Variants in ATP2C1 observed in about 807,000 individuals in gnomAD.
ATP2C1 encodes the protein calcium-transporting ATPase type 2C member 1.
In ATP2C1, 31 loss-of-function variants were observed where a neutral mutation model predicts 120.5. The ratio of observed to expected loss-of-function variants is 0.26; its 90% CI spans 0.19 to 0.35. The LOEUF (loss-of-function observed/expected upper bound fraction) is 0.35, where lower values mean the gene tolerates loss of function less well. Among genes scored for constraint, ATP2C1 ranks in the 10% least tolerant of loss-of-function variants. The pLI is 1.00. For synonymous variants in ATP2C1, 351 were observed against 358.7 expected (o/e 0.98, Z 0.24); for missense variants, 731 against 1,107.5 (o/e 0.66, Z 4.83).
rs376215293 is a variant in ATP2C1 at position 130,937,293 on chromosome 3, G to A, written c.325-135G>A. On this transcript the variant is annotated intron_variant, in intron 5 of 27. Transcript: ENST00000510168. The stretch of plus-strand genomic sequence containing the variant: ...TCCCCACAGGCCTTAAGGTAAAGTT[G>A]TGATTTCTTTTCCAGCTGATCTCAG... 3 of 768,336 alleles carry A rather than the reference G, an allele frequency of 3.9e-6. No individual in the cohort carries two copies. The African/African-American group carries it at 5.2e-5, about 13-fold the overall frequency. 47.6% of individuals were successfully genotyped at this position (768,336 alleles called of 1,614,324 possible). A position where few individuals can be genotyped will look rare whatever the true frequency, so the allele number is the denominator to read the frequency against.
At chr3:130,919,781 A>G (rs2058868133) in intron 2 of ATP2C1, among the ~76,000 whole-genome samples, 1 of 152,214 alleles carries the variant, frequency 6.6e-6, no homozygotes, top group African/African-American at 2.4e-5. Flanking sequence ...TTTTTTCCAT[A>G]GTGGCTGCAC....
chr3:130,995,906 G>C (rs1330227283), intron 22 of ATP2C1, 137 bp from the exon 23 acceptor site: 16 of 662,580 alleles, frequency 2.4e-5, no homozygotes, highest in Non-Finnish European at 4.3e-5. Context: ...CGGCCTCCCA[G>C]TGTGCTGGGA....
chr3:130,999,884 T>C (rs2062806574), intron 27 of ATP2C1, among the ~76,000 whole-genome samples: 1 of 152,182 alleles, frequency 6.6e-6, no homozygotes, highest in African/African-American at 2.4e-5. Context: ...ATAAAAATCA[T>C]AATACGTGAT....
rs201306089 is a variant in ATP2C1, at chr3:130,894,737, T to C, written c.-33T>C. On this transcript the variant is annotated 5_prime_UTR_variant, in exon 2 of 28. It removes the in-frame stop codon of an upstream open reading frame in the 5' UTR. Transcript: ENST00000510168. This position sits in a 1 kb window ranked among gnomAD's most constrained non-coding sequence, Gnocchi z 4.5. ...GCCGTGGCTGACACTAAAGACTTTGTAGCCATCAACCCGAGTGCAGTTTCG... is the reference window on the plus strand; with the variant it reads ...GCCGTGGCTGACACTAAAGACTTTGCAGCCATCAACCCGAGTGCAGTTTCG... 169 of 1,614,156 alleles carry C rather than the reference T, an allele frequency of 1.0e-4. 1 individual carries two copies. In the East Asian group the frequency reaches 3.7e-3, roughly 36 times the overall value.
intron 11 of ATP2C1, among the ~76,000 whole-genome samples, chr3:130,959,044 T>A (rs2060701630): frequency 6.6e-6 from 1 of 152,114 alleles, no homozygotes; most frequent in African/African-American, 2.4e-5. Context: ...TGTGTGTGCA[T>A]GTGTGGTGTG....
chr3:130,955,866 T>G (rs1026607434), intron 10 of ATP2C1: 2 of 423,000 alleles, frequency 4.7e-6, no homozygotes, highest in African/African-American at 4.1e-5. Flanking sequence ...AGAACGGACC[T>G]TTTCAAATAA....
chr3:130,954,733 C>T (rs74341846), intron 9 of ATP2C1, among the ~76,000 whole-genome samples: 10,381 of 152,162 alleles, frequency 0.068, 1,144 homozygotes, highest in African/African-American at 0.23. Flanking sequence ...GTGATCCACC[C>T]GCCTCGGCCA....
At chr3:130,910,611 A>C (rs1241174670) in intron 2 of ATP2C1, among the ~76,000 whole-genome samples, 3 of 95,192 alleles carry the variant, frequency 3.2e-5, no homozygotes, top group African/African-American at 1.3e-4. Flanking sequence ...TATTATTTTG[A>C]AATACGTCCC....
chr3:130,977,851 T>C (rs1390958752), intron 18 of ATP2C1, among the ~76,000 whole-genome samples: 2 of 152,232 alleles, frequency 1.3e-5, no homozygotes, highest in East Asian at 1.9e-4. Context: ...TCAGTTGATA[T>C]GTACTTACAT....
intron 12 of ATP2C1, among the ~76,000 whole-genome samples, chr3:130,960,152 C>T (rs1319348638): frequency 6.6e-6 from 1 of 152,138 alleles, no homozygotes. Context: ...ACTACGCTGG[C>T]ATCAGACTTC....
At chr3:130,903,929 G>A (rs989295093) in intron 2 of ATP2C1, among the ~76,000 whole-genome samples, 1 of 151,950 alleles carries the variant, frequency 6.6e-6, no homozygotes, top group Non-Finnish European at 1.5e-5. Flanking sequence ...AGATGTATCA[G>A]TAGATGGAGT....
rs931076520 is a variant in ATP2C1, at chr3:130,991,447, A to T, written c.1840-1504A>T. ...AGACAGCAAGTATAGGCTACTTGCT[A>T]AGGAGCTCTGCTCCAAAAATCCTCC... On this transcript the variant is annotated intron_variant, in intron 20 of 27. Transcript: ENST00000510168. Among the ~76,000 whole-genome samples the T allele has an allele frequency of 2.0e-5, 3 of 152,108 alleles. No homozygotes were observed. In the South Asian group the frequency reaches 6.2e-4, roughly 32 times the overall value.
intron 20 of ATP2C1, among the ~76,000 whole-genome samples, chr3:130,992,708 A>G (rs1046416745): frequency 6.6e-6 from 1 of 152,212 alleles, no homozygotes; most frequent in African/African-American, 2.4e-5. Flanking sequence ...GTTTACACAT[A>G]ATGATATAAA....
Position 130,894,484 on chromosome 3 carries a change from G to A in ATP2C1, c.-180-106G>A. 3 of 1,371,742 alleles carry A rather than the reference G, an allele frequency of 2.2e-6. No homozygotes were observed. The highest frequency in any genetic ancestry group is 2.8e-6 in the Non-Finnish European group (3 of 1,061,070). The allele number at this position is 1,371,742 out of a possible 1,614,324, so 85.0% of individuals were successfully genotyped here. A position where few individuals can be genotyped will look rare whatever the true frequency, so the allele number is the denominator to read the frequency against. ...CTGGGGACGTTGCGGGCACACGACG[G>A]GGCGGGTGCGGGATCTTGGGGAGGG... On this transcript the variant is annotated intron_variant, in intron 1 of 27. Transcript: ENST00000510168. This position sits in a 1 kb window ranked among gnomAD's most constrained non-coding sequence, Gnocchi z 4.5.
chr3:130,883,376 T>A (rs1559880984), intron 1 of ATP2C1, among the ~76,000 whole-genome samples: 2 of 152,198 alleles, frequency 1.3e-5, no homozygotes, highest in Admixed American at 6.5e-5. Context: ...TCTTTTTTCC[T>A]ACTAATTTTG....
In ATP2C1 at chr3:131,002,463, A is replaced by G; in HGVS notation, c.*1113A>G. 1 of 985,346 alleles carries G rather than the reference A, an allele frequency of 1.0e-6. No homozygotes were observed. Among genetic ancestry groups the G allele is most frequent in the South Asian group, 4.7e-5 (1 of 21,276 alleles). The allele number at this position is 985,346 out of a possible 1,614,324, so 61.0% of individuals were successfully genotyped here. On this transcript the variant is annotated 3_prime_UTR_variant, in exon 28 of 28. Coordinates refer to ENST00000510168, the MANE Select transcript of ATP2C1 (RefSeq NM_001378687.1). Reference sequence around the variant, plus strand: ...TAGATTTTAGCACAAACCTGAGTATATCTCTTCTACTTTCATCATGTGTTC... The same window carrying G: ...TAGATTTTAGCACAAACCTGAGTATGTCTCTTCTACTTTCATCATGTGTTC...
chr3:130,857,127 A>G, intron 1 of ATP2C1, among the ~76,000 whole-genome samples: 1 of 152,374 alleles, frequency 6.6e-6, no homozygotes, highest in Non-Finnish European at 1.5e-5. Context: ...AAGTGGAACT[A>G]TTTTATTATG....
At chr3:130,964,688 G>A (rs7626903) in intron 13 of ATP2C1, among the ~76,000 whole-genome samples, 146 of 152,104 alleles carry the variant, frequency 9.6e-4, no homozygotes, top group African/African-American at 3.0e-3. Flanking sequence ...ATTACATAAA[G>A]CTAATGTGAA....
intron 2 of ATP2C1, among the ~76,000 whole-genome samples, chr3:130,928,780 G>T (rs2059327095): frequency 6.6e-6 from 1 of 152,126 alleles, no homozygotes; most frequent in Non-Finnish European, 1.5e-5. Context: ...AGAAATAAGA[G>T]ATTTTATTGA....
Sources: gnomAD v4.1 joint callset for allele counts (sites outside exome capture counted in the v4.1 genomes callset) on GRCh38, gnomAD v4.1.1 for gene constraint, Gnocchi (gnomAD v3.1) non-coding constraint, MANE v1.5 for transcripts, NCBI Gene and HGNC (gene_info 2026-07-23, HGNC 2026-07-21) for gene names.